Variants in ITSN1 observed in about 807,000 individuals in gnomAD.
ITSN1 encodes intersectin-1.
ITSN1 carries 58 observed loss-of-function variants against 239.8 expected under a neutral mutation model. The observed-to-expected ratio is 0.24, with a 90% CI of 0.20 to 0.30. The LOEUF is 0.30. Among genes scored for constraint, ITSN1 ranks in the 10% least tolerant of loss-of-function variants. ITSN1 has a pLI of 1.00. For synonymous variants in ITSN1, 780 were observed against 770.8 expected, an observed-to-expected ratio of 1.01 and a Z score of -0.20; for missense variants, 1,558 against 2,103.3, an observed-to-expected ratio of 0.74 and a Z score of 5.07.
intron 39 of ITSN1, among the ~76,000 whole-genome samples, chr21:33,887,681 C>G (rs1277321057): frequency 6.6e-6 from 1 of 152,126 alleles, no homozygotes; most frequent in African/African-American, 2.4e-5. Context: ...TCACAGCTCA[C>G]TGCAGCCTCC....
At chr21:33,834,277 A>T in intron 27 of ITSN1, 30 bp from the exon 28 acceptor site, 1 of 1,531,140 alleles carries the variant, frequency 6.5e-7, no homozygotes, top group Non-Finnish European at 9.0e-7. Flanking sequence ...GCGCCTTTAA[A>T]AATGTTTGAT....
In ITSN1 at chr21:33,765,872, T is replaced by C. The variant is rs1269471831; in HGVS notation, c.789-3T>C. On this transcript the variant is annotated splice_region_variant and splice_polypyrimidine_tract_variant and intron_variant, in intron 9 of 39. Transcript: ENST00000381318. The stretch of plus-strand genomic sequence containing the variant: ...GGATTACAGTTAACTTTTTGTTGAA[T>C]AGGAATCTTTCTGACATTGATCAAG... 1.2e-6 allele frequency: 2 copies of C among 1,614,048 alleles called. No individual in the cohort carries two copies. Among genetic ancestry groups the C allele is most frequent in the Non-Finnish European group, 8.5e-7 (1 of 1,179,930 alleles).
rs886841440 is a variant in ITSN1, at chr21:33,882,860, A to G, written c.4554+405A>G. On this transcript the variant is annotated intron_variant, in intron 35 of 39. Transcript: ENST00000381318. The surrounding 1 kb of genome is among the most constrained non-coding windows in gnomAD (Gnocchi z 4.5). Reference sequence around the variant, plus strand: ...GCCAGACTTCTCCAGGTAGCTTGAAACATCCGAGCCCCCTCCTTTCTAGCA... The same window carrying G: ...GCCAGACTTCTCCAGGTAGCTTGAAGCATCCGAGCCCCCTCCTTTCTAGCA... Among the ~76,000 whole-genome samples the G allele has an allele frequency of 6.6e-6, 1 of 152,180 alleles. No homozygotes were observed. Among genetic ancestry groups the G allele is most frequent in the Non-Finnish European group, 1.5e-5 (1 of 68,030 alleles).
At chr21:33,828,986 A>C (rs1342635987) in intron 26 of ITSN1, 1 of 471,542 alleles carries the variant, frequency 2.1e-6, no homozygotes, top group Non-Finnish European at 4.4e-6. Context: ...TGTAACGTGA[A>C]ATAAAAAGAA....
intron 29 of ITSN1, chr21:33,837,271 T>G (rs1016750645): frequency 8.3e-6 from 10 of 1,209,294 alleles, no homozygotes; most frequent in Admixed American, 4.3e-5. Flanking sequence ...TCCTAGTTAC[T>G]CAAATTGACT....
chr21:33,835,191 C>G (rs1475482804), intron 28 of ITSN1, among the ~76,000 whole-genome samples: 1 of 152,166 alleles, frequency 6.6e-6, no homozygotes, highest in African/African-American at 2.4e-5. Context: ...TGGCAGCCTT[C>G]TCAAGAAATT....
At chr21:33,750,091 G>T in intron 5 of ITSN1, 52 bp from the exon 6 acceptor site, 1 of 1,510,156 alleles carries the variant, frequency 6.6e-7, no homozygotes, top group Non-Finnish European at 9.2e-7. Flanking sequence ...TTATTATTCA[G>T]TGTTGAAATG....
chr21:33,670,212 A>T (rs576872376), intron 1 of ITSN1, among the ~76,000 whole-genome samples: 1 of 152,180 alleles, frequency 6.6e-6, no homozygotes, highest in Non-Finnish European at 1.5e-5. Flanking sequence ...AAAATTAGCC[A>T]GGGGTGGTGA....
intron 1 of ITSN1, among the ~76,000 whole-genome samples, chr21:33,690,928 G>C (rs2091517540): frequency 6.8e-6 from 1 of 146,666 alleles, no homozygotes; most frequent in South Asian, 2.2e-4. Context: ...GGCAAGTCCT[G>C]TTTCCACTCT....
At chr21:33,837,056 G>A (rs1180443079) in intron 29 of ITSN1, 2 of 1,604,008 alleles carry the variant, frequency 1.2e-6, no homozygotes, top group Non-Finnish European at 1.7e-6. Context: ...CCATATCACT[G>A]CCCAGAGGGA....
At chr21:33,722,490 C>A (rs953193134) in intron 3 of ITSN1, 98 bp from the exon 4 acceptor site, 1 of 1,411,748 alleles carries the variant, frequency 7.1e-7, no homozygotes, top group Non-Finnish European at 9.3e-7. Flanking sequence ...ATAGTATTAC[C>A]AGCCTCTTTG....
intron 29 of ITSN1, among the ~76,000 whole-genome samples, chr21:33,841,107 C>G (rs571104821): frequency 6.6e-6 from 1 of 152,254 alleles, no homozygotes; most frequent in African/African-American, 2.4e-5. Flanking sequence ...GTAACTCGGC[C>G]CTATGTTAAG....
chr21:33,833,561 T>C (rs959779447), intron 27 of ITSN1, among the ~76,000 whole-genome samples: 2 of 152,248 alleles, frequency 1.3e-5, no homozygotes, highest in East Asian at 3.9e-4. Context: ...GCACAGGGCC[T>C]GGCTCATAAA....
chr21:33,687,819 T>C (rs1215944432), intron 1 of ITSN1, among the ~76,000 whole-genome samples: 1 of 152,232 alleles, frequency 6.6e-6, no homozygotes, highest in Non-Finnish European at 1.5e-5. Context: ...GTAACATACT[T>C]TGAGACTGAG....
At chr21:33,877,067 T>TTTTTTTTTTTA (rs1984049434) in intron 34 of ITSN1, among the ~76,000 whole-genome samples, 1 of 140,022 alleles carries the variant, frequency 7.1e-6, no homozygotes. Context: ...ACCTTTTTTT[T>TTTTTTTTTTTA]TTTTGAAATG....
At chr21:33,789,121 C>G (rs557616368) in intron 16 of ITSN1, among the ~76,000 whole-genome samples, 1 of 152,106 alleles carries the variant, frequency 6.6e-6, no homozygotes, top group Non-Finnish European at 1.5e-5. Flanking sequence ...TTTAATAGCT[C>G]TTCATTTGTT....
Position 33,883,659 on chromosome 21 carries a change from G to A in ITSN1, c.4664G>A (p.Ser1555Asn). The A allele has an allele frequency of 1.2e-6, 2 of 1,613,412 alleles. No homozygotes were observed. The highest frequency in any genetic ancestry group is 1.7e-6 in the Non-Finnish European group (2 of 1,179,550). ...IDRVYTLRAE[S>N]INERTAWVQK... Reference sequence around the variant, plus strand: ...CGCGTCTATACTCTCCGAGCAGAAAGCATAAATGAAAGGTGAGACCTGCCG... The same window carrying A: ...CGCGTCTATACTCTCCGAGCAGAAAACATAAATGAAAGGTGAGACCTGCCG... Residue 1555 changes from serine to asparagine, a missense_variant, in exon 36 of 40, where the codon AGC becomes AAC. This residue lies in a region of ITSN1 where 576 missense variants were observed against 893.3 expected (regional missense o/e 0.64). Transcript: ENST00000381318.
At chr21:33,858,817 C>G (rs1313127107) in intron 31 of ITSN1, 25 bp downstream of exon 31, 1 of 1,446,856 alleles carries the variant, frequency 6.9e-7, no homozygotes, top group South Asian at 1.2e-5. Flanking sequence ...TAATCCCCAG[C>G]CTGGCTTGGC....
intron 1 of ITSN1, among the ~76,000 whole-genome samples, chr21:33,701,621 T>A (rs1238709853): frequency 6.6e-6 from 1 of 150,684 alleles, no homozygotes; most frequent in Non-Finnish European, 1.5e-5. Context: ...GGTGAAACCC[T>A]GTGTCTGTTA....
Sources: gnomAD v4.1 joint callset for allele counts (sites outside exome capture counted in the v4.1 genomes callset) on GRCh38, gnomAD v4.1.1 for gene constraint, gnomAD v4.1.1 regional missense constraint, Gnocchi (gnomAD v3.1) non-coding constraint, MANE v1.5 for transcripts, NCBI Gene and HGNC (gene_info 2026-07-23, HGNC 2026-07-21) for gene names.